The following CMSS1 variants were observed in gnomAD, a reference collection of about 807,000 sequenced individuals.
CMSS1 encodes cms1 ribosomal small subunit homolog.
A neutral mutation model predicts 43.5 loss-of-function variants in CMSS1; 33 were observed. That is an observed-to-expected ratio of 0.76 (90% CI 0.57 to 1.01). The LOEUF (loss-of-function observed/expected upper bound fraction) is 1.01, where lower values mean the gene tolerates loss of function less well. Ranked by LOEUF, CMSS1 falls within the 50% of genes least tolerant of loss-of-function variation. CMSS1 has a pLI of 0.00. For synonymous variants in CMSS1, 115 were observed against 117.2 expected, an observed-to-expected ratio of 0.98 and a Z score of 0.12; for missense variants, 313 against 326.4, an observed-to-expected ratio of 0.96 and a Z score of 0.32.
At chr3:100,094,878 C>A (rs573713182) in intron 1 of CMSS1, among the ~76,000 whole-genome samples, 1 of 151,674 alleles carries the variant, frequency 6.6e-6, no homozygotes, top group African/African-American at 2.4e-5. Context: ...TTAGTAGAGA[C>A]GGGGTTTTAT....
At chr3:100,045,582 G>T (rs1167760885) in intron 1 of CMSS1, among the ~76,000 whole-genome samples, 1 of 151,992 alleles carries the variant, frequency 6.6e-6, no homozygotes, top group African/African-American at 2.4e-5. Flanking sequence ...TATCTTAAAT[G>T]GGACATTTGG....
Position 100,171,919 on chromosome 3 carries a change from A to G in CMSS1, c.579+20A>G, listed in dbSNP as rs767388121. On this transcript the variant is annotated intron_variant, in intron 7 of 9. Transcript: ENST00000421999. ...ATAAAGGTAAGCAAGGGCCTGTGTG[A>G]TCCCTAAAGGCCTCTCCCAGACCTC... The G allele has an allele frequency of 1.0e-5, 16 of 1,593,176 alleles. No homozygotes were observed. The highest frequency in any genetic ancestry group is 2.7e-5 in the African/African-American group (2 of 74,522).
At chr3:100,034,254 A>G (rs2065069907) in intron 1 of CMSS1, among the ~76,000 whole-genome samples, 1 of 152,190 alleles carries the variant, frequency 6.6e-6, no homozygotes, top group Non-Finnish European at 1.5e-5. Context: ...ATGGGGGGAA[A>G]AAGCTGCAGC....
At chr3:100,094,669 G>C (rs1231980015) in intron 1 of CMSS1, among the ~76,000 whole-genome samples, 2 of 131,874 alleles carry the variant, frequency 1.5e-5, no homozygotes, top group Non-Finnish European at 3.2e-5. Context: ...TGTTGGAAAA[G>C]CTGCCTTTTT....
At chr3:100,129,343 T>C (rs1238273616) in intron 1 of CMSS1, among the ~76,000 whole-genome samples, 1 of 152,136 alleles carries the variant, frequency 6.6e-6, no homozygotes, top group African/African-American at 2.4e-5. Context: ...TAATTCTTAG[T>C]AGGGAAGGGG....
intron 1 of CMSS1, among the ~76,000 whole-genome samples, chr3:100,084,656 A>C (rs1307152420): frequency 6.6e-6 from 1 of 152,254 alleles, no homozygotes. Flanking sequence ...CCGTAAAGCC[A>C]TAAGTTAGAG....
At chr3:100,100,107 G>A (rs925011789) in intron 1 of CMSS1, among the ~76,000 whole-genome samples, 7 of 152,156 alleles carry the variant, frequency 4.6e-5, no homozygotes, top group Non-Finnish European at 8.8e-5. Context: ...GAGGTATTTT[G>A]ATAAGAGAAT....
At chr3:100,032,123 A>G (rs576643407) in intron 1 of CMSS1, among the ~76,000 whole-genome samples, 2 of 152,328 alleles carry the variant, frequency 1.3e-5, no homozygotes, top group East Asian at 3.9e-4. Flanking sequence ...GGAATAAATA[A>G]TGAAACATGA....
chr3:100,178,081 T>C (rs1318157500), intron 9 of CMSS1, among the ~76,000 whole-genome samples: 1 of 152,196 alleles, frequency 6.6e-6, no homozygotes, highest in Non-Finnish European at 1.5e-5. Flanking sequence ...ATCACGCCAC[T>C]GCACTCCAGC....
At chr3:100,021,448 C>A (rs2064815531) in intron 1 of CMSS1, among the ~76,000 whole-genome samples, 1 of 152,098 alleles carries the variant, frequency 6.6e-6, no homozygotes, top group Non-Finnish European at 1.5e-5. Flanking sequence ...AGAGGAGGAA[C>A]CCTTCCCGGA....
intron 1 of CMSS1, among the ~76,000 whole-genome samples, chr3:100,133,259 A>G (rs559909912): frequency 1.3e-5 from 2 of 152,320 alleles, no homozygotes; most frequent in East Asian, 1.9e-4. Flanking sequence ...GACTAATGAC[A>G]TGGGGAAATA....
At chr3:99,890,726 C>G (rs1186809107) in intron 1 of CMSS1, among the ~76,000 whole-genome samples, 4 of 150,888 alleles carry the variant, frequency 2.7e-5, no homozygotes, top group Admixed American at 2.6e-4. Context: ...TACCAATCCG[C>G]TGTTTTTTTT....
chr3:100,053,232 T>A (rs535835985), intron 1 of CMSS1, among the ~76,000 whole-genome samples: 1 of 152,202 alleles, frequency 6.6e-6, no homozygotes, highest in African/African-American at 2.4e-5. Context: ...CATAACAGAT[T>A]ACCACAAATT....
chr3:100,141,451 T>C, intron 1 of CMSS1: 2 of 425,766 alleles, frequency 4.7e-6, no homozygotes, highest in East Asian at 7.3e-5. Context: ...GGTCTTAACA[T>C]ATTGTGGTGA....
At chr3:100,117,825 G>GTATATATATATATATATATATATATA (rs1166983737) in intron 1 of CMSS1, among the ~76,000 whole-genome samples, 1 of 75,136 alleles carries the variant, frequency 1.3e-5, no homozygotes, top group African/African-American at 6.2e-5. Context: ...ATAAACTGCA[G>GTATATATATATATATATATATATATA]TATATATATA....
chr3:99,827,284 C>G (rs1463590918), intron 1 of CMSS1, among the ~76,000 whole-genome samples: 1 of 152,246 alleles, frequency 6.6e-6, no homozygotes, highest in East Asian at 1.9e-4. Flanking sequence ...CTCTGCCTCC[C>G]AGACTCAAGC....
rs532897713 is a variant in CMSS1, at chr3:100,126,904, A to T, written c.65-20069A>T. ...TCCCAGCTACTCAGGAGGCTGAGGC[A>T]GGAGAATGGTGTGAACCCGGGAGGC... On this transcript the variant is annotated intron_variant, in intron 1 of 9. Coordinates refer to ENST00000421999, the MANE Select transcript of CMSS1 (RefSeq NM_032359.4). 3.1e-3 allele frequency among the ~76,000 whole-genome samples: 474 copies of T among 152,222 alleles called. 1 individual carries two copies. Among genetic ancestry groups the T allele is most frequent in the African/African-American group, 0.011 (445 of 41,550 alleles).
intron 1 of CMSS1, among the ~76,000 whole-genome samples, chr3:99,945,096 A>G (rs1707969062): frequency 6.6e-6 from 1 of 152,176 alleles, no homozygotes; most frequent in Non-Finnish European, 1.5e-5. Flanking sequence ...ACACAGAACA[A>G]GCAGTCACCC....
intron 1 of CMSS1, chr3:99,849,770 T>G: frequency 6.2e-7 from 1 of 1,613,814 alleles, no homozygotes; most frequent in Non-Finnish European, 8.5e-7. Flanking sequence ...AGCTTCAGTT[T>G]CAGTCTTTCC....
Sources: allele counts gnomAD v4.1 joint callset (sites outside exome capture counted in the v4.1 genomes callset), GRCh38; gene constraint gnomAD v4.1.1; transcripts MANE v1.5; gene names NCBI Gene and HGNC (gene_info 2026-07-23, HGNC 2026-07-21).